RANBP2: variants seen among roughly 807,000 people sequenced by gnomAD.
The protein encoded by RANBP2 is E3 SUMO-protein ligase RanBP2.
RANBP2 carries 57 observed loss-of-function variants against 303.6 expected under a neutral mutation model. That is an observed-to-expected ratio of 0.19 (90% confidence interval 0.15 to 0.23). The LOEUF (loss-of-function observed/expected upper bound fraction) is 0.23. Ranked by LOEUF, RANBP2 falls within the 10% of genes least tolerant of loss-of-function variation. RANBP2 has a pLI of 1.00. For synonymous variants in RANBP2, 1,167 were observed against 1,301.5 expected (o/e 0.90, Z 2.23); for missense variants, 3,138 against 3,780.8 (o/e 0.83, Z 4.46).
At chr2:109,203,607 C>G in the RANBP2 span, among the ~76,000 whole-genome samples, 1 of 152,140 alleles carries the variant, frequency 6.6e-6, no homozygotes, top group Non-Finnish European at 1.5e-5. Context: ...CTCCACTTTC[C>G]CTTTGCACGA....
the RANBP2 span, among the ~76,000 whole-genome samples, chr2:109,400,590 CTTG>C: frequency 6.6e-5 from 10 of 151,746 alleles, no homozygotes; most frequent in Admixed American, 2.6e-4. Flanking sequence ...CACACACACA[CTTG>C]TGAACTTATA....
chr2:109,329,081 A>G, the RANBP2 span, among the ~76,000 whole-genome samples: 1 of 152,016 alleles, frequency 6.6e-6, no homozygotes, highest in Non-Finnish European at 1.5e-5. Context: ...TTCTTCTGGG[A>G]ATATTTATCT....
chr2:109,336,493 GTGCT>G, the RANBP2 span, among the ~76,000 whole-genome samples: 1 of 151,990 alleles, frequency 6.6e-6, no homozygotes, highest in East Asian at 1.9e-4. Flanking sequence ...CGGCTAGCAC[GTGCT>G]GAGGACTCGC....
At chr2:109,609,038 C>T in the RANBP2 span, among the ~76,000 whole-genome samples, 1 of 152,268 alleles carries the variant, frequency 6.6e-6, no homozygotes, top group East Asian at 1.9e-4. Context: ...TTCCCACAGA[C>T]CAAAATATAT....
chr2:109,764,736 G>C, the RANBP2 span, among the ~76,000 whole-genome samples: 96 of 136,296 alleles, frequency 7.0e-4, 1 homozygote, highest in Non-Finnish European at 1.1e-3. Flanking sequence ...AGATGGTGTG[G>C]GTGGGGGTAT....
chr2:109,134,799 G>A, the RANBP2 span, among the ~76,000 whole-genome samples: 3 of 152,150 alleles, frequency 2.0e-5, no homozygotes, highest in African/African-American at 7.2e-5. Context: ...CGTGCCTCAC[G>A]GCTGCAGATG....
At chr2:109,551,321 T>A in the RANBP2 span, among the ~76,000 whole-genome samples, 1 of 152,140 alleles carries the variant, frequency 6.6e-6, no homozygotes, top group Non-Finnish European at 1.5e-5. Context: ...TCCTTTAATA[T>A]AGAATTAAAT....
the RANBP2 span, among the ~76,000 whole-genome samples, chr2:108,814,303 C>T: frequency 1.3e-5 from 2 of 151,912 alleles, no homozygotes; most frequent in Non-Finnish European, 2.9e-5. Context: ...TCATTTTGAC[C>T]CTTCCAGTGG....
the RANBP2 span, among the ~76,000 whole-genome samples, chr2:109,288,270 CTG>C: frequency 6.6e-6 from 1 of 152,230 alleles, no homozygotes; most frequent in East Asian, 1.9e-4. Context: ...CTGTCATTAA[CTG>C]TAATTGCTTT....
the RANBP2 span, among the ~76,000 whole-genome samples, chr2:108,810,334 TGA>T: frequency 6.6e-6 from 1 of 152,234 alleles, no homozygotes; most frequent in South Asian, 2.1e-4. Context: ...CCTAATTTTT[TGA>T]GAGTTTTTAC....
chr2:109,052,989 G>A, the RANBP2 span, among the ~76,000 whole-genome samples: 6 of 152,196 alleles, frequency 3.9e-5, no homozygotes, highest in South Asian at 2.1e-4. Flanking sequence ...GGCATGGGGC[G>A]TCCCTTCCCC....
the RANBP2 span, chr2:108,856,905 G>C: frequency 6.2e-7 from 1 of 1,613,184 alleles, no homozygotes; most frequent in Admixed American, 1.7e-5. Context: ...AGTCATCTAA[G>C]AATATCCAGT....
At chr2:108,842,989 A>G in the RANBP2 span, among the ~76,000 whole-genome samples, 8 of 152,276 alleles carry the variant, frequency 5.3e-5, no homozygotes, top group South Asian at 2.1e-4. Flanking sequence ...TTTTGCTTCA[A>G]CCGTCAAACA....
At chr2:108,883,952 C>T in the RANBP2 span, 5 of 34,972 alleles carry the variant, frequency 1.4e-4, no homozygotes, top group African/African-American at 3.0e-4. Context: ...GAGTCTCTCA[C>T]AGGTTCCTAG....
At chr2:109,483,046 T>C in the RANBP2 span, among the ~76,000 whole-genome samples, 2 of 152,164 alleles carry the variant, frequency 1.3e-5, no homozygotes, top group African/African-American at 4.8e-5. Flanking sequence ...GTAGATCTTC[T>C]ATTCCTCTGC....
At chr2:109,313,525 C>T in the RANBP2 span, 3 of 154,888 alleles carry the variant, frequency 1.9e-5, no homozygotes, top group African/African-American at 4.8e-5. Context: ...TTGGTCATCG[C>T]AATGGTCTTA....
At chr2:109,482,477 C>T in the RANBP2 span, among the ~76,000 whole-genome samples, 2 of 152,172 alleles carry the variant, frequency 1.3e-5, no homozygotes, top group Non-Finnish European at 1.5e-5. Flanking sequence ...TGTTTATCTT[C>T]TTGAAGTTCC....
the RANBP2 span, chr2:109,504,424 G>C: frequency 6.6e-6 from 1 of 152,252 alleles, no homozygotes; most frequent in Non-Finnish European, 1.5e-5. Flanking sequence ...CATCCTCATG[G>C]GGTGATGCCA....
At chr2:108,883,909 A>G in the RANBP2 span, 1 of 151,382 alleles carries the variant, frequency 6.6e-6, no homozygotes, top group Non-Finnish European at 1.5e-5. Context: ...CTCCTAAATA[A>G]TGTGAACTTG....
Sources: allele counts gnomAD v4.1 joint callset (sites outside exome capture counted in the v4.1 genomes callset), GRCh38; gene constraint gnomAD v4.1.1; transcripts MANE v1.5; gene names NCBI Gene and HGNC (gene_info 2026-07-23, HGNC 2026-07-21).